The following MRO variants were observed in gnomAD, a reference collection of about 807,000 sequenced individuals.
MRO encodes the protein maestro.
MRO carries 28 observed loss-of-function variants against 31.0 expected under a neutral mutation model. That is an observed-to-expected ratio of 0.90 (90% confidence interval 0.67 to 1.24). MRO has a LOEUF of 1.24. Among genes scored for constraint, MRO ranks in the 50% most tolerant of loss-of-function variants. The probability of loss-of-function intolerance (pLI) is 0.00; values close to 1 mark genes in which losing one functional copy is unlikely to be tolerated. For synonymous variants in MRO, 108 were observed against 108.4 expected (o/e 1.00, Z 0.02); for missense variants, 332 against 289.2 (o/e 1.15, Z -1.07).
At position 50,797,978 on chromosome 18, in the gene MRO, C is replaced by A; in HGVS notation, c.*1359G>T. 1 of 152,588 alleles carries A rather than the reference C, an allele frequency of 6.6e-6. No individual in the cohort carries two copies. 9.5% of individuals were successfully genotyped at this position (152,588 alleles called of 1,614,324 possible). On this transcript the variant is annotated 3_prime_UTR_variant, in exon 8 of 8. Transcript: ENST00000398439. ...CGCATCTGTGTCACACCACCCTGTCCCTGGGAGCTACAGCAGAAAATTGAG... is the reference window on the plus strand; with the variant it reads ...CGCATCTGTGTCACACCACCCTGTCACTGGGAGCTACAGCAGAAAATTGAG...
intron 1 of MRO, 62 bp from the exon 2 acceptor site, chr18:50,819,764 A>C (rs1438280724): frequency 3.7e-5 from 58 of 1,548,620 alleles, no homozygotes; most frequent in Admixed American, 2.0e-4. Context: ...ACGGGTCGGC[A>C]CAGAGTGTTG....
chr18:50,822,175 G>A (rs911165583), upstream of MRO, among the ~76,000 whole-genome samples: 1 of 152,140 alleles, frequency 6.6e-6, no homozygotes, highest in African/African-American at 2.4e-5. Context: ...ATTGCCAGAA[G>A]TACACTGGGG....
intron 4 of MRO, among the ~76,000 whole-genome samples, chr18:50,806,462 G>A (rs1318318941): frequency 2.0e-5 from 3 of 152,210 alleles, no homozygotes; most frequent in Admixed American, 6.5e-5. Flanking sequence ...TCTGGCAGAC[G>A]CTTGATTGCA....
At chr18:50,799,633 G>A (rs900631502) in intron 7 of MRO, among the ~76,000 whole-genome samples, 6 of 152,146 alleles carry the variant, frequency 3.9e-5, no homozygotes, top group African/African-American at 7.2e-5. Context: ...TGGCTTGGCC[G>A]GGCATGCTGA....
chr18:50,822,967 A>G (rs115955895), upstream of MRO, among the ~76,000 whole-genome samples: 1,134 of 152,252 alleles, frequency 7.4e-3, 19 homozygotes, highest in African/African-American at 0.026. Flanking sequence ...AGGAATTGAT[A>G]AGAGCCAAGG....
chr18:50,824,050 A>G (rs1295818699), upstream of MRO: 1 of 152,412 alleles, frequency 6.6e-6, no homozygotes, highest in East Asian at 1.9e-4. Flanking sequence ...TTTCTAAACC[A>G]GAAGAGATAT....
At chr18:50,807,730 G>A (rs1469138803) in intron 3 of MRO, among the ~76,000 whole-genome samples, 1 of 152,208 alleles carries the variant, frequency 6.6e-6, no homozygotes, top group Admixed American at 6.5e-5. Flanking sequence ...GTTAAGAACA[G>A]GAAGAGAAAT....
chr18:50,815,148 T>C, intron 2 of MRO: 1 of 208,278 alleles, frequency 4.8e-6, no homozygotes. Context: ...TTGATGATCA[T>C]GAAACAAATG....
chr18:50,813,907 G>A (rs1021718960), intron 2 of MRO, among the ~76,000 whole-genome samples: 3 of 152,080 alleles, frequency 2.0e-5, no homozygotes, highest in Admixed American at 6.6e-5. Flanking sequence ...TTACCTGAGT[G>A]ACAAAACAAT....
upstream of MRO, chr18:50,820,116 A>G (rs3813091): frequency 6.3e-3 from 4,336 of 687,064 alleles, 102 homozygotes; most frequent in East Asian, 0.063. Context: ...GTTCCAGGCG[A>G]CCCCTGCACA....
intron 2 of MRO, among the ~76,000 whole-genome samples, chr18:50,811,746 C>CTTTTTTTTTTTTTTTTTTTTTTTT (rs71171344): frequency 1.2e-5 from 1 of 80,100 alleles, no homozygotes; most frequent in Non-Finnish European, 2.3e-5. Flanking sequence ...TGTGGTAATT[C>CTTTTTTTTTTTTTTTTTTTTTTTT]TTTTTTTTTT....
intron 2 of MRO, among the ~76,000 whole-genome samples, chr18:50,813,658 A>G (rs1914649778): frequency 6.6e-6 from 1 of 152,270 alleles, no homozygotes; most frequent in South Asian, 2.1e-4. Context: ...GCTTCTCTCC[A>G]GAATAAAGGG....
chr18:50,821,324 A>C (rs1915294322), upstream of MRO, among the ~76,000 whole-genome samples: 1 of 152,202 alleles, frequency 6.6e-6, no homozygotes, highest in African/African-American at 2.4e-5. Flanking sequence ...TCTGCCTGCA[A>C]CTGGGAGGCA....
intron 2 of MRO, among the ~76,000 whole-genome samples, chr18:50,810,332 G>A (rs1036232445): frequency 2.6e-5 from 4 of 152,168 alleles, no homozygotes; most frequent in African/African-American, 9.7e-5. Flanking sequence ...AGAATATTGG[G>A]CAGATCAACA....
chr18:50,799,635 G>C (rs997544127), intron 7 of MRO, among the ~76,000 whole-genome samples: 2 of 152,202 alleles, frequency 1.3e-5, no homozygotes, highest in Non-Finnish European at 2.9e-5. Context: ...GCTTGGCCGG[G>C]CATGCTGACT....
intron 2 of MRO, among the ~76,000 whole-genome samples, chr18:50,809,761 A>G (rs1221858235): frequency 6.6e-6 from 1 of 152,196 alleles, no homozygotes; most frequent in Non-Finnish European, 1.5e-5. Flanking sequence ...TGTGTTTTTA[A>G]AAGTTCTCTG....
Position 50,819,658 on chromosome 18 carries a change from T to C in MRO, c.-82A>G, listed in dbSNP as rs1047072790. On this transcript the variant is annotated 5_prime_UTR_variant, in exon 2 of 8. Coordinates refer to ENST00000398439, the MANE Select transcript of MRO (RefSeq NM_031939.6). Reference sequence around the variant, plus strand: ...TCGGGAGGGCTGCTTTCCCGGGTAGTAGCCAAATGTGATGACTCGGCTAAA... The same window carrying C: ...TCGGGAGGGCTGCTTTCCCGGGTAGCAGCCAAATGTGATGACTCGGCTAAA... 62 of 1,551,220 alleles carry C rather than the reference T, an allele frequency of 4.0e-5. No homozygotes were observed. Among genetic ancestry groups the C allele is most frequent in the African/African-American group, 6.8e-5 (5 of 72,998 alleles).
Position 50,798,940 on chromosome 18 carries a change from C to CA in MRO, c.*396dup, listed in dbSNP as rs71939061. ...AAACAAAACAACAACAACAAAAAAA[C>CA]AAAAAAACGCTTAAGGTAACAAGTA... is the stretch of plus-strand genomic sequence containing the variant. On this transcript the variant is annotated 3_prime_UTR_variant, in exon 8 of 8. Coordinates refer to ENST00000398439, the MANE Select transcript of MRO (RefSeq NM_031939.6). 1.0e-3 allele frequency: 149 copies of CA among 145,568 alleles called. 1 individual carries two copies. Among genetic ancestry groups the CA allele is most frequent in the African/African-American group, 3.6e-3 (135 of 37,170 alleles). 9.0% of individuals were successfully genotyped at this position (145,568 alleles called of 1,614,324 possible).
chr18:50,814,953 T>G (rs1177080624), intron 2 of MRO: 2 of 154,380 alleles, frequency 1.3e-5, no homozygotes, highest in African/African-American at 4.8e-5. Flanking sequence ...CCCAGCTACT[T>G]GGGAGGTTAA....
Sources: gnomAD v4.1 joint callset for allele counts (sites outside exome capture counted in the v4.1 genomes callset) on GRCh38, gnomAD v4.1.1 for gene constraint, MANE v1.5 for transcripts, NCBI Gene and HGNC (gene_info 2026-07-23, HGNC 2026-07-21) for gene names.